The following ASB3 variants were observed in gnomAD, a reference collection of about 807,000 sequenced individuals.
The protein encoded by ASB3 is ankyrin repeat and SOCS box protein 3.
In ASB3, 41 loss-of-function variants were observed where a neutral mutation model predicts 54.5. That is an observed-to-expected ratio of 0.75 (90% CI 0.59 to 0.98). The LOEUF is 0.98. Among genes scored for constraint, ASB3 ranks in the 50% least tolerant of loss-of-function variants. The probability of loss-of-function intolerance (pLI) is 0.00; values close to 1 mark genes in which losing one functional copy is unlikely to be tolerated. For missense variants in ASB3, 733 were observed against 620.0 expected, an observed-to-expected ratio of 1.18 and a Z score of -1.94; for synonymous variants, 266 against 221.2, an observed-to-expected ratio of 1.20 and a Z score of -1.80.
chr2:53,684,869 A>G (rs1424681299), intron 9 of ASB3, among the ~76,000 whole-genome samples: 1 of 152,244 alleles, frequency 6.6e-6, no homozygotes, highest in Non-Finnish European at 1.5e-5. Flanking sequence ...GTCAGGAAAC[A>G]TAACGCTGAG....
At chr2:53,714,330 C>T in intron 7 of ASB3, 54 bp downstream of exon 7, 1 of 1,583,236 alleles carries the variant, frequency 6.3e-7, no homozygotes, top group Non-Finnish European at 8.6e-7. Flanking sequence ...CTTCAAAACA[C>T]ATCTCCATAC....
intron 3 of ASB3, among the ~76,000 whole-genome samples, chr2:53,733,594 A>C (rs1366980053): frequency 2.0e-5 from 3 of 152,108 alleles, no homozygotes; most frequent in African/African-American, 7.2e-5. Flanking sequence ...AGCATGTGAC[A>C]CCACACCCAC....
Position 53,670,292 on chromosome 2 carries a change from ATTT to A in ASB3, c.*208_*210del, listed in dbSNP as rs757738523. ...TAAAGTAATATAAGTGATGTTTACA[ATTT>A]TTTTTTTTTTTTTTTTTTTTTTTAC... is the stretch of plus-strand genomic sequence containing the variant. On this transcript the variant is annotated 3_prime_UTR_variant, in exon 10 of 10. Coordinates refer to ENST00000263634, the MANE Select transcript of ASB3 (RefSeq NM_016115.5). 0.011 allele frequency: 1,985 copies of A among 178,344 alleles called. 10 individuals are homozygous for A. The highest frequency in any genetic ancestry group is 0.026 in the African/African-American group (849 of 33,046). The allele number at this position is 178,344 out of a possible 1,614,324, so 11.0% of individuals were successfully genotyped here. A position where few individuals can be genotyped will look rare whatever the true frequency, so the allele number is the denominator to read the frequency against.
chr2:53,771,592 G>A (rs1459034988), intron 1 of ASB3, among the ~76,000 whole-genome samples: 1 of 152,028 alleles, frequency 6.6e-6, no homozygotes, highest in African/African-American at 2.4e-5. Context: ...TATAATTACT[G>A]CTTCCATTTG....
chr2:53,670,689 G>A lies in ASB3; in HGVS notation c.1371C>T (p.Ala457=). The part of the protein sequence containing the change: ...SNAWILQQHI[A]TVPSLTHLCR... ...AAAGATGGGTCAGGGATGGAACAGT[G>A]GCTGGAGAAACAAAAAAAGCAAGGT... Residue 457 remains alanine, a splice_region_variant and synonymous_variant, in exon 10 of 10, where the codon GCC becomes GCT. Coordinates refer to ENST00000263634, the MANE Select transcript of ASB3 (RefSeq NM_016115.5). The A allele has an allele frequency of 1.3e-6, 2 of 1,596,038 alleles. No individual in the cohort carries two copies. The highest frequency in any genetic ancestry group is 1.7e-6 in the Non-Finnish European group (2 of 1,172,546).
chr2:53,767,886 G>A (rs561946022), intron 1 of ASB3: 4 of 1,608,908 alleles, frequency 2.5e-6, no homozygotes, highest in South Asian at 2.2e-5. Context: ...GCCGCGAGAA[G>A]ATGTGGGTTT....
At chr2:53,739,574 A>G (rs1238971387) in intron 3 of ASB3, among the ~76,000 whole-genome samples, 4 of 152,238 alleles carry the variant, frequency 2.6e-5, no homozygotes, top group Non-Finnish European at 1.5e-5. Flanking sequence ...TACCATAACA[A>G]TTCTGTACAA....
At chr2:53,779,302 T>C (rs1466530268) in intron 1 of ASB3, among the ~76,000 whole-genome samples, 1 of 152,244 alleles carries the variant, frequency 6.6e-6, no homozygotes, top group Admixed American at 6.5e-5. Context: ...ATCTCATGTA[T>C]GGCTTGCAAA....
intron 5 of ASB3, among the ~76,000 whole-genome samples, chr2:53,722,371 G>A (rs1670759316): frequency 6.6e-6 from 1 of 152,082 alleles, no homozygotes; most frequent in Admixed American, 6.5e-5. Context: ...AAGACACAAT[G>A]AAGAAAGAAA....
At chr2:53,731,102 C>A (rs1304960100) in intron 3 of ASB3, among the ~76,000 whole-genome samples, 1 of 152,104 alleles carries the variant, frequency 6.6e-6, no homozygotes, top group African/African-American at 2.4e-5. Context: ...CTCAGAAGTT[C>A]TTTAATAAAA....
chr2:53,768,468 A>C (rs528073065), intron 1 of ASB3, among the ~76,000 whole-genome samples: 1 of 152,366 alleles, frequency 6.6e-6, no homozygotes, highest in South Asian at 2.1e-4. Context: ...GCCGACTTTC[A>C]TGAGCTTGCG....
At chr2:53,692,471 T>C (rs1224111701) in intron 9 of ASB3, among the ~76,000 whole-genome samples, 1 of 152,164 alleles carries the variant, frequency 6.6e-6, no homozygotes, top group African/African-American at 2.4e-5. Flanking sequence ...AAAGGTTTTC[T>C]TGAATCTTCA....
intron 1 of ASB3, among the ~76,000 whole-genome samples, chr2:53,770,669 T>C (rs1330610342): frequency 6.6e-6 from 1 of 152,156 alleles, no homozygotes; most frequent in East Asian, 1.9e-4. Context: ...TGTTTTGGCT[T>C]CATAATATAT....
At chr2:53,670,964 T>C (rs552233141) in intron 9 of ASB3, among the ~76,000 whole-genome samples, 7 of 152,202 alleles carry the variant, frequency 4.6e-5, no homozygotes, top group Non-Finnish European at 8.8e-5. Context: ...GATCTGTTAA[T>C]ACCTGCACTT....
intron 1 of ASB3, chr2:53,786,168 TAA>T (rs925741197): frequency 1.3e-5 from 2 of 152,136 alleles, no homozygotes; most frequent in African/African-American, 4.8e-5. Flanking sequence ...GCATTTTTTC[TAA>T]AGAGGGGGAG....
At chr2:53,679,292 G>A (rs1398634592) in intron 9 of ASB3, among the ~76,000 whole-genome samples, 1 of 152,078 alleles carries the variant, frequency 6.6e-6, no homozygotes, top group Admixed American at 6.6e-5. Flanking sequence ...ATCTTTCAAT[G>A]GTTCTCAATT....
intron 3 of ASB3, among the ~76,000 whole-genome samples, chr2:53,739,903 G>C (rs1356243650): frequency 1.3e-5 from 2 of 152,020 alleles, no homozygotes; most frequent in Non-Finnish European, 2.9e-5. Flanking sequence ...TGAACTCATG[G>C]GCTCAAGTGA....
chr2:53,758,535 A>C (rs1181729443), intron 2 of ASB3, among the ~76,000 whole-genome samples: 1 of 152,228 alleles, frequency 6.6e-6, no homozygotes, highest in Non-Finnish European at 1.5e-5. Flanking sequence ...TCAGGAACCC[A>C]GCCCAGCTCT....
rs1310934894 is a variant in ASB3, at chr2:53,714,439, G to A, written c.925C>T (p.Gln309Ter). Residue 309 changes from glutamine to a stop codon, truncating the protein, a stop_gained, in exon 7 of 10, where the codon CAG becomes TAG. Coordinates refer to ENST00000263634, the MANE Select transcript of ASB3 (RefSeq NM_016115.5). LOFTEE classifies it high-confidence loss of function. ...LLRNGYSPDAQACLVFGFSSP... is the reference protein window; with the variant it reads ...LLRNGYSPDA ...CTGAATCCAAAAACAAGGCACGCCT[G>A]GGCGTCTGGGCTGTAGCCATTCCGG... is the stretch of plus-strand genomic sequence containing the variant. The A allele has an allele frequency of 6.2e-7, 1 of 1,614,218 alleles. No individual in the cohort carries two copies.
Sources: allele counts gnomAD v4.1 joint callset (sites outside exome capture counted in the v4.1 genomes callset), GRCh38; gene constraint gnomAD v4.1.1; transcripts MANE v1.5; gene names NCBI Gene and HGNC (gene_info 2026-07-23, HGNC 2026-07-21).